Variants in HIVEP3 observed in about 807,000 individuals in gnomAD.
The protein encoded by HIVEP3 is HIVEP zinc finger 3, also known as transcription factor HIVEP3.
In HIVEP3, 49 loss-of-function variants were observed where a neutral mutation model predicts 152.8. The observed-to-expected ratio is 0.32, with a 90% CI of 0.26 to 0.41. The LOEUF (loss-of-function observed/expected upper bound fraction) is 0.41. Ranked by LOEUF, HIVEP3 falls within the 10% of genes least tolerant of loss-of-function variation. The probability of loss-of-function intolerance (pLI) is 1.00; values close to 1 mark genes in which losing one functional copy is unlikely to be tolerated. For synonymous variants in HIVEP3, 1,269 were observed against 1,289.0 expected, an observed-to-expected ratio of 0.98 and a Z score of 0.33; for missense variants, 2,790 against 3,103.3, an observed-to-expected ratio of 0.90 and a Z score of 2.40.
At chr1:41,548,182 G>C (rs1643850235) in intron 5 of HIVEP3, among the ~76,000 whole-genome samples, 2 of 152,206 alleles carry the variant, frequency 1.3e-5, no homozygotes, top group Non-Finnish European at 2.9e-5. Flanking sequence ...CTGGGCTGCA[G>C]GACTCAGACA....
In HIVEP3 at chr1:41,581,599, G is replaced by C; in HGVS notation, c.3199C>G (p.Gln1067Glu). 3.7e-6 allele frequency: 6 copies of C among 1,614,016 alleles called. No homozygotes were observed. The highest frequency in any genetic ancestry group is 5.1e-6 in the Non-Finnish European group (6 of 1,179,962). ...GAGGGCTGTGGTTCTTCGCTCTCCT[G>C]TCTTCCCTTGGGGGCAACCTCCAAC... ...SELEVAPKGR[Q>E]ESEEPQPSSS... Residue 1067 changes from glutamine to glutamate, a missense_variant, in exon 4 of 9, where the codon CAG becomes GAG. By Grantham distance (29) the Gln-to-Glu change is conservative (BLOSUM62 2). Around this residue, in one of 9 missense-constraint regions of HIVEP3, gnomAD observed 1,078 missense variants for 1,165.3 expected, o/e 0.93. Transcript: ENST00000372583. The surrounding 1 kb of genome is among the most constrained non-coding windows in gnomAD (Gnocchi z 4.5).
chr1:41,598,934 G>A (rs948332122), intron 3 of HIVEP3, among the ~76,000 whole-genome samples: 3 of 151,944 alleles, frequency 2.0e-5, no homozygotes, highest in Non-Finnish European at 4.4e-5. Flanking sequence ...TCCCACCTCA[G>A]CCTCCCAAGC....
intron 1 of HIVEP3, among the ~76,000 whole-genome samples, chr1:41,855,423 C>T (rs1008228984): frequency 6.6e-6 from 1 of 151,960 alleles, no homozygotes; most frequent in African/African-American, 2.4e-5. Flanking sequence ...CAACCTACAA[C>T]ATGGGAGAAA....
At chr1:41,792,041 A>T (rs1649727562) in intron 1 of HIVEP3, among the ~76,000 whole-genome samples, 1 of 152,140 alleles carries the variant, frequency 6.6e-6, no homozygotes, top group Non-Finnish European at 1.5e-5. Flanking sequence ...GGCAGAAGTG[A>T]CCATTCCTCC....
chr1:41,990,055 G>C (rs1161109167), intron 1 of HIVEP3, among the ~76,000 whole-genome samples: 3 of 78,834 alleles, frequency 3.8e-5, no homozygotes, highest in Non-Finnish European at 7.5e-5. Context: ...TGCAGCGGCT[G>C]GTACCGGTTG....
At chr1:41,743,927 C>T (rs564407110) in intron 1 of HIVEP3, among the ~76,000 whole-genome samples, 41 of 152,310 alleles carry the variant, frequency 2.7e-4, no homozygotes, top group African/African-American at 9.9e-4. Context: ...GAGGATTCAC[C>T]AGAAATCTCG....
At chr1:41,595,146 T>C (rs1196235273) in intron 3 of HIVEP3, among the ~76,000 whole-genome samples, 1 of 152,242 alleles carries the variant, frequency 6.6e-6, no homozygotes, top group East Asian at 1.9e-4. Context: ...TATACTTTTC[T>C]ACTGGCATTT....
intron 6 of HIVEP3, among the ~76,000 whole-genome samples, chr1:41,521,797 T>TCCCTGC (rs1419238195): frequency 6.6e-6 from 1 of 152,198 alleles, no homozygotes; most frequent in Non-Finnish European, 1.5e-5. Context: ...AACCGCTCTG[T>TCCCTGC]CCCTGCCCCT....
intron 5 of HIVEP3, among the ~76,000 whole-genome samples, chr1:41,560,470 C>T (rs1558061104): frequency 1.3e-5 from 2 of 152,128 alleles, no homozygotes; most frequent in Admixed American, 1.3e-4. Context: ...TTTTATACTC[C>T]CAGCACTCCC....
chr1:41,698,796 G>T (rs1455467407), intron 2 of HIVEP3, among the ~76,000 whole-genome samples: 1 of 152,134 alleles, frequency 6.6e-6, no homozygotes, highest in Admixed American at 6.5e-5. Context: ...ACTGAATGTA[G>T]CTCCCTCTCT....
intron 1 of HIVEP3, among the ~76,000 whole-genome samples, chr1:41,795,323 G>A (rs941984051): frequency 3.9e-5 from 6 of 152,074 alleles, no homozygotes; most frequent in African/African-American, 7.2e-5. Flanking sequence ...ATGTTTTCTC[G>A]TGATTAAACA....
At chr1:41,607,679 T>C (rs1049621362) in intron 3 of HIVEP3, among the ~76,000 whole-genome samples, 19 of 152,226 alleles carry the variant, frequency 1.2e-4, no homozygotes, top group Admixed American at 1.0e-3. Flanking sequence ...TTATCCAATA[T>C]ATTTATGAAT....
intron 1 of HIVEP3, among the ~76,000 whole-genome samples, chr1:41,813,087 G>A (rs1321145270): frequency 6.6e-6 from 1 of 152,116 alleles, no homozygotes; most frequent in African/African-American, 2.4e-5. Flanking sequence ...AGCCTAGGCT[G>A]GAGTGCAGTG....
At chr1:42,015,975 CTG>C (rs1418600230) in intron 1 of HIVEP3, among the ~76,000 whole-genome samples, 1 of 152,214 alleles carries the variant, frequency 6.6e-6, no homozygotes, top group Non-Finnish European at 1.5e-5. Flanking sequence ...TAATTAGACA[CTG>C]TAATTGCTGG....
chr1:41,890,778 C>G (rs1262234047), intron 1 of HIVEP3, among the ~76,000 whole-genome samples: 1 of 152,222 alleles, frequency 6.6e-6, no homozygotes, highest in Non-Finnish European at 1.5e-5. Context: ...GTCTATAACC[C>G]TGGGGTCAGG....
chr1:41,653,642 C>A (rs1645585053), intron 2 of HIVEP3, among the ~76,000 whole-genome samples: 2 of 152,136 alleles, frequency 1.3e-5, no homozygotes, highest in Admixed American at 6.5e-5. Flanking sequence ...TGGTTTCCTG[C>A]CCACCTGGGC....
At chr1:41,908,785 G>A (rs1644753398) in intron 1 of HIVEP3, among the ~76,000 whole-genome samples, 1 of 152,160 alleles carries the variant, frequency 6.6e-6, no homozygotes, top group South Asian at 2.1e-4. Flanking sequence ...CTGAAGCCTA[G>A]TATAAGAGCC....
intron 1 of HIVEP3, among the ~76,000 whole-genome samples, chr1:41,829,069 C>A (rs2124353650): frequency 6.6e-6 from 1 of 152,218 alleles, no homozygotes; most frequent in African/African-American, 2.4e-5. Context: ...TCCCACCCCA[C>A]CCCTATGACC....
At chr1:41,951,224 T>C (rs569191162) in intron 1 of HIVEP3, among the ~76,000 whole-genome samples, 7 of 152,346 alleles carry the variant, frequency 4.6e-5, no homozygotes, top group African/African-American at 1.7e-4. Flanking sequence ...AAAACAAGCT[T>C]ACACTTCTAG....
Sources: gnomAD v4.1 joint callset for allele counts (sites outside exome capture counted in the v4.1 genomes callset) on GRCh38, gnomAD v4.1.1 for gene constraint, gnomAD v4.1.1 regional missense constraint, Gnocchi (gnomAD v3.1) non-coding constraint, MANE v1.5 for transcripts, NCBI Gene and HGNC (gene_info 2026-07-23, HGNC 2026-07-21) for gene names.